Variants in OSBPL1A observed in about 807,000 individuals in gnomAD.
OSBPL1A encodes oxysterol binding protein like 1A.
Under a neutral mutation model 137.1 loss-of-function variants are expected in OSBPL1A, and 80 were observed. That is an observed-to-expected ratio of 0.58 (90% CI 0.49 to 0.70). The LOEUF (loss-of-function observed/expected upper bound fraction) is 0.70, where lower values mean the gene tolerates loss of function less well. OSBPL1A is among the 30% of genes least tolerant of loss of function. The pLI, the probability that OSBPL1A is intolerant of heterozygous loss-of-function variation, is 0.00. For synonymous variants in OSBPL1A, 365 were observed against 389.7 expected, an observed-to-expected ratio of 0.94 and a Z score of 0.75; for missense variants, 970 against 1,129.4, an observed-to-expected ratio of 0.86 and a Z score of 2.02.
At chr18:24,393,408 G>GAA (rs1265163949) in intron 1 of OSBPL1A, among the ~76,000 whole-genome samples, 1 of 152,220 alleles carries the variant, frequency 6.6e-6, no homozygotes, top group Non-Finnish European at 1.5e-5. Context: ...CCAGAATGTA[G>GAA]AAGGGGTGAA....
chr18:24,330,684 A>C (rs533909707), intron 7 of OSBPL1A, among the ~76,000 whole-genome samples: 1 of 152,224 alleles, frequency 6.6e-6, no homozygotes, highest in Non-Finnish European at 1.5e-5. Context: ...TCGGCCTCCC[A>C]AAGTGCTGGG....
intron 13 of OSBPL1A, among the ~76,000 whole-genome samples, chr18:24,310,784 C>T (rs1282351068): frequency 1.3e-5 from 2 of 151,954 alleles, no homozygotes; most frequent in Admixed American, 6.6e-5. Context: ...CTCTTATTGA[C>T]GATAGGTAAA....
chr18:24,311,704 A>G (rs1020856367), intron 13 of OSBPL1A, among the ~76,000 whole-genome samples: 1 of 152,340 alleles, frequency 6.6e-6, no homozygotes, highest in Admixed American at 6.5e-5. Context: ...TTCAAACAAA[A>G]TGACGGTCTG....
At chr18:24,230,344 C>T (rs894228173) in intron 16 of OSBPL1A, among the ~76,000 whole-genome samples, 3 of 152,082 alleles carry the variant, frequency 2.0e-5, no homozygotes, top group Non-Finnish European at 2.9e-5. Flanking sequence ...GTGATGGTTG[C>T]ATAGGAAAGT....
intron 17 of OSBPL1A, among the ~76,000 whole-genome samples, 166 bp from the exon 18 acceptor site, chr18:24,196,366 A>T (rs2087030900): frequency 6.6e-6 from 1 of 152,208 alleles, no homozygotes; most frequent in Non-Finnish European, 1.5e-5. Flanking sequence ...GCACCTGTTC[A>T]CCTATACCTA....
intron 21 of OSBPL1A, among the ~76,000 whole-genome samples, chr18:24,176,912 G>A (rs1441704964): frequency 6.6e-6 from 1 of 152,142 alleles, no homozygotes; most frequent in Non-Finnish European, 1.5e-5. Context: ...TCCTCTTTGT[G>A]GTTTCCCCAA....
chr18:24,170,523 T>C, intron 23 of OSBPL1A, 70 bp from the exon 24 acceptor site: 1 of 1,584,838 alleles, frequency 6.3e-7, no homozygotes, highest in Non-Finnish European at 8.6e-7. Context: ...GCACCTGGTA[T>C]TCCCAGGCGG....
At chr18:24,247,395 G>A (rs1264946213) in intron 15 of OSBPL1A, among the ~76,000 whole-genome samples, 1 of 152,200 alleles carries the variant, frequency 6.6e-6, no homozygotes, top group Non-Finnish European at 1.5e-5. Context: ...TGCTGGAGGC[G>A]ATGCCCTATG....
intron 7 of OSBPL1A, among the ~76,000 whole-genome samples, chr18:24,327,730 T>C (rs2091006585): frequency 6.6e-6 from 1 of 152,162 alleles, no homozygotes; most frequent in South Asian, 2.1e-4. Flanking sequence ...AATTATTCTC[T>C]TTCAGAAGAT....
At chr18:24,304,174 C>T (rs1234462953) in intron 13 of OSBPL1A, among the ~76,000 whole-genome samples, 1 of 152,154 alleles carries the variant, frequency 6.6e-6, no homozygotes, top group African/African-American at 2.4e-5. Context: ...CAAGCTGATT[C>T]TCGTTCAGCA....
At chr18:24,293,104 CAAAAA>C (rs1172730345) in intron 14 of OSBPL1A, among the ~76,000 whole-genome samples, 6 of 66,378 alleles carry the variant, frequency 9.0e-5, no homozygotes, top group African/African-American at 3.5e-4. Context: ...ACTCCCGTCT[CAAAAA>C]AAAAAAAAAA....
intron 15 of OSBPL1A, among the ~76,000 whole-genome samples, chr18:24,272,853 T>C (rs1158017364): frequency 5.3e-5 from 8 of 152,214 alleles, no homozygotes; most frequent in Non-Finnish European, 1.0e-4. Flanking sequence ...GGAATGAATG[T>C]CAGTGAGGTT....
At chr18:24,186,210 T>A (rs772128829) in intron 18 of OSBPL1A, among the ~76,000 whole-genome samples, 1 of 150,538 alleles carries the variant, frequency 6.6e-6, no homozygotes, top group Non-Finnish European at 1.5e-5. Flanking sequence ...CAAAAAAGAG[T>A]AGCAAAAAAA....
chr18:24,226,047 C>T lies in OSBPL1A; in HGVS notation c.1445-849G>A, dbSNP rs150888907. On this transcript the variant is annotated intron_variant, in intron 16 of 27. Coordinates refer to ENST00000319481, the MANE Select transcript of OSBPL1A (RefSeq NM_080597.4). ...ATTTAAATTCTCAAGGACAAAAGCC[C>T]GAAGCAACCCTATAGTAATTGTCAG... Among the ~76,000 whole-genome samples the T allele has an allele frequency of 2.3e-3, 347 of 152,166 alleles. 1 individual carries two copies. The highest frequency in any genetic ancestry group is 8.1e-3 in the African/African-American group (337 of 41,516).
chr18:24,295,441 T>C (rs889634124), intron 14 of OSBPL1A, among the ~76,000 whole-genome samples: 5 of 152,194 alleles, frequency 3.3e-5, no homozygotes, highest in African/African-American at 1.2e-4. Context: ...TTTATTTTTG[T>C]TGTACTTGCT....
chr18:24,338,405 G>GA (rs770419359), intron 5 of OSBPL1A, among the ~76,000 whole-genome samples: 6 of 152,072 alleles, frequency 3.9e-5, no homozygotes, highest in Non-Finnish European at 8.8e-5. Flanking sequence ...AAAAAGACAA[G>GA]ATGTAGAAGA....
intron 17 of OSBPL1A, among the ~76,000 whole-genome samples, chr18:24,214,253 C>G (rs1381894208): frequency 6.8e-6 from 1 of 147,918 alleles, no homozygotes; most frequent in South Asian, 2.2e-4. Flanking sequence ...CTAAAGGAAA[C>G]GGTCTGAACA....
chr18:24,353,925 G>A (rs987982551), intron 4 of OSBPL1A, among the ~76,000 whole-genome samples: 1 of 120,202 alleles, frequency 8.3e-6, no homozygotes, highest in Non-Finnish European at 1.7e-5. Context: ...TTGTGGGGTG[G>A]GGGGAGGGGG....
rs550103599 is a variant in OSBPL1A, at chr18:24,392,229, C to T, written c.-3+5426G>A. Among the ~76,000 whole-genome samples the T allele has an allele frequency of 4.6e-5, 7 of 152,170 alleles. No homozygotes were observed. The East Asian group carries it at 5.8e-4, about 13-fold the overall frequency. ...ATGCTGGAGTGCAATGGCGCCATCT[C>T]GGTTCACCGCAACCTCCGCCTCCCG... is the stretch of plus-strand genomic sequence containing the variant. On this transcript the variant is annotated intron_variant, in intron 1 of 27. Coordinates refer to ENST00000319481, the MANE Select transcript of OSBPL1A (RefSeq NM_080597.4).
Sources: allele counts gnomAD v4.1 joint callset (sites outside exome capture counted in the v4.1 genomes callset), GRCh38; gene constraint gnomAD v4.1.1; transcripts MANE v1.5; gene names NCBI Gene and HGNC (gene_info 2026-07-23, HGNC 2026-07-21).